The following RBFOX1 variants were observed in gnomAD, a reference collection of about 807,000 sequenced individuals.
RBFOX1 encodes RNA binding protein fox-1 homolog 1.
In RBFOX1, 8 loss-of-function variants were observed where a neutral mutation model predicts 57.7. The ratio of observed to expected loss-of-function variants is 0.14; its 90% CI spans 0.08 to 0.25. The LOEUF (loss-of-function observed/expected upper bound fraction) is 0.25. Ranked by LOEUF, RBFOX1 falls within the 10% of genes least tolerant of loss-of-function variation. RBFOX1 has a pLI of 1.00. For missense variants in RBFOX1, 611 were observed against 548.5 expected (o/e 1.11, Z -1.14); for synonymous variants, 326 against 222.4 (o/e 1.47, Z -4.15).
intron 4 of RBFOX1, among the ~76,000 whole-genome samples, chr16:7,406,194 C>G (rs908671864): frequency 1.3e-5 from 2 of 152,112 alleles, no homozygotes; most frequent in Non-Finnish European, 1.5e-5. Flanking sequence ...ATCATGACAC[C>G]TAAACATCAT....
At chr16:7,693,157 G>C (rs2077745492) in intron 14 of RBFOX1, among the ~76,000 whole-genome samples, 1 of 152,034 alleles carries the variant, frequency 6.6e-6, no homozygotes, top group African/African-American at 2.4e-5. Context: ...CTTATTTCAT[G>C]ATCTTTCTAA....
intron 2 of RBFOX1, chr16:6,483,281 T>G: frequency 7.3e-7 from 1 of 1,362,374 alleles, no homozygotes; most frequent in Non-Finnish European, 9.4e-7. Context: ...GATTGCCTCC[T>G]TGCACGGGCT....
At chr16:5,444,385 A>G (rs1290688356) in intron 1 of RBFOX1, among the ~76,000 whole-genome samples, 1 of 152,212 alleles carries the variant, frequency 6.6e-6, no homozygotes, top group Non-Finnish European at 1.5e-5. Context: ...TCAAGCATGT[A>G]AACCATGTGC....
chr16:7,057,405 C>G (rs973916399), intron 4 of RBFOX1, among the ~76,000 whole-genome samples: 2 of 152,198 alleles, frequency 1.3e-5, no homozygotes, highest in Non-Finnish European at 2.9e-5. Flanking sequence ...GTCTTTGTTT[C>G]TGTTTATGGG....
rs1011859855 is a variant in RBFOX1 at position 5,938,617 on chromosome 16, G to A, written c.351+71282G>A. 3.3e-5 allele frequency among the ~76,000 whole-genome samples: 5 copies of A among 152,226 alleles called. No homozygotes were observed. In the East Asian group the frequency reaches 9.7e-4, roughly 29 times the overall value. ...TTTAGCTCACCTTGTAACTTGATTT[G>A]GCTAATAGGATGCAACAGACCTGAC... On this transcript the variant is annotated intron_variant, in intron 4 of 19. Transcript: ENST00000641259.
chr16:5,299,846 A>C (rs964889382), intron 1 of RBFOX1, among the ~76,000 whole-genome samples: 1 of 152,156 alleles, frequency 6.6e-6, no homozygotes, highest in African/African-American at 2.4e-5. Context: ...AGTGGGGATA[A>C]TGGGTATCCT....
At chr16:6,450,844 T>C (rs1337180417) in intron 2 of RBFOX1, among the ~76,000 whole-genome samples, 8 of 45,070 alleles carry the variant, frequency 1.8e-4, no homozygotes, top group East Asian at 6.1e-4. Context: ...TATGTGTATA[T>C]ATATATATAT....
rs143819007 is a variant in RBFOX1, at chr16:7,094,131, C to G, written c.27+42033C>G. ...ATTTTACATTTTGAGTGGTGTTTCA[C>G]TTACCTTTAGAAAATTTTCCAAACC... On this transcript the variant is annotated intron_variant, in intron 4 of 15. Coordinates refer to ENST00000550418, the MANE Select transcript of RBFOX1 (RefSeq NM_018723.4). Among the ~76,000 whole-genome samples the G allele has an allele frequency of 3.4e-3, 507 of 151,248 alleles. 3 individuals carry two copies. Among genetic ancestry groups the G allele is most frequent in the African/African-American group, 0.011 (473 of 41,158 alleles).
At chr16:6,829,412 A>C (rs953921775) in intron 3 of RBFOX1, among the ~76,000 whole-genome samples, 16 of 151,812 alleles carry the variant, frequency 1.1e-4, no homozygotes, top group Non-Finnish European at 2.4e-4. Context: ...GAACGATTGT[A>C]AAAGGCTATT....
chr16:5,463,065 T>C (rs1005062798), intron 1 of RBFOX1, among the ~76,000 whole-genome samples: 12 of 152,204 alleles, frequency 7.9e-5, no homozygotes, highest in Non-Finnish European at 5.9e-5. Flanking sequence ...TATGTATATA[T>C]ACATAGATGA....
At chr16:5,413,549 TCAGA>T (rs1441349959) in intron 1 of RBFOX1, among the ~76,000 whole-genome samples, 2 of 152,218 alleles carry the variant, frequency 1.3e-5, no homozygotes, top group Admixed American at 6.5e-5. Flanking sequence ...GGCCACCATA[TCAGA>T]CAGCACAGAC....
At chr16:5,257,861 A>G (rs2062628887) in intron 1 of RBFOX1, among the ~76,000 whole-genome samples, 1 of 151,898 alleles carries the variant, frequency 6.6e-6, no homozygotes, top group African/African-American at 2.4e-5. Flanking sequence ...TGGGGGGGAA[A>G]TGGGATCAAG....
intron 2 of RBFOX1, among the ~76,000 whole-genome samples, chr16:6,516,708 A>G (rs1382813537): frequency 1.3e-5 from 2 of 152,190 alleles, no homozygotes; most frequent in South Asian, 2.1e-4. Flanking sequence ...GCTAGTTGCA[A>G]GTAAAATGAA....
chr16:6,946,153 G>A (rs2079473289), intron 3 of RBFOX1, among the ~76,000 whole-genome samples: 1 of 152,238 alleles, frequency 6.6e-6, no homozygotes, highest in Admixed American at 6.5e-5. Flanking sequence ...GATAACTCAT[G>A]ATTAGGGGTT....
At chr16:7,048,848 T>C (rs2048957481) in intron 3 of RBFOX1, among the ~76,000 whole-genome samples, 1 of 152,158 alleles carries the variant, frequency 6.6e-6, no homozygotes, top group Admixed American at 6.5e-5. Flanking sequence ...TAAAATCCCA[T>C]GGAAGTTGTT....
chr16:7,527,068 C>T (rs373327737), intron 5 of RBFOX1, among the ~76,000 whole-genome samples: 48 of 152,306 alleles, frequency 3.2e-4, no homozygotes, highest in African/African-American at 1.1e-3. Flanking sequence ...TTGTTTGAGA[C>T]CTGCGCCTTG....
At chr16:7,655,120 A>G (rs2065984459) in intron 12 of RBFOX1, among the ~76,000 whole-genome samples, 1 of 152,204 alleles carries the variant, frequency 6.6e-6, no homozygotes, top group Non-Finnish European at 1.5e-5. Flanking sequence ...ATTAGCCTAG[A>G]TCATCTATTA....
In RBFOX1 at chr16:7,681,109, G is replaced by A. The variant is rs143816645; in HGVS notation, c.995+4271G>A. On this transcript the variant is annotated intron_variant, in intron 14 of 15. Coordinates refer to ENST00000550418, the MANE Select transcript of RBFOX1 (RefSeq NM_018723.4). ...ACAGATTTGTGTTTCTTAGAACCTAGTAAGGATAAGTAGGCATATTTTCAG... is the reference window on the plus strand; with the variant it reads ...ACAGATTTGTGTTTCTTAGAACCTAATAAGGATAAGTAGGCATATTTTCAG... 1.8e-4 allele frequency among the ~76,000 whole-genome samples: 27 copies of A among 152,286 alleles called. 1 individual carries two copies. Among genetic ancestry groups the A allele is most frequent in the African/African-American group, 5.5e-4 (23 of 41,576 alleles).
At chr16:7,206,553 C>T (rs1444165897) in intron 4 of RBFOX1, among the ~76,000 whole-genome samples, 1 of 151,840 alleles carries the variant, frequency 6.6e-6, no homozygotes, top group Non-Finnish European at 1.5e-5. Context: ...GCTGCAATAC[C>T]ATTCCCTCTG....
Sources: allele counts gnomAD v4.1 joint callset (sites outside exome capture counted in the v4.1 genomes callset), GRCh38; gene constraint gnomAD v4.1.1; transcripts MANE v1.5; gene names NCBI Gene and HGNC (gene_info 2026-07-23, HGNC 2026-07-21).